JARID2: variants seen among roughly 807,000 people sequenced by gnomAD.
The protein encoded by JARID2 is protein Jumonji.
Under a neutral mutation model 125.6 loss-of-function variants are expected in JARID2, and 21 were observed. The ratio of observed to expected loss-of-function variants is 0.17; its 90% CI spans 0.12 to 0.24. JARID2 has a LOEUF of 0.24. Ranked by LOEUF, JARID2 falls within the 10% of genes least tolerant of loss-of-function variation. The pLI, the probability that JARID2 is intolerant of heterozygous loss-of-function variation, is 1.00. For missense variants in JARID2, 1,303 were observed against 1,639.6 expected, an observed-to-expected ratio of 0.79 and a Z score of 3.55; for synonymous variants, 736 against 661.6, an observed-to-expected ratio of 1.11 and a Z score of -1.73.
At chr6:15,254,412 A>T (rs77004759) in intron 1 of JARID2, among the ~76,000 whole-genome samples, 11,656 of 152,232 alleles carry the variant, frequency 0.077, 474 homozygotes, top group Admixed American at 0.12. Context: ...GGGAAATCAT[A>T]TGCCCTCAGT....
chr6:15,297,926 A>G (rs1379791947), intron 1 of JARID2, among the ~76,000 whole-genome samples: 1 of 152,214 alleles, frequency 6.6e-6, no homozygotes, highest in Non-Finnish European at 1.5e-5. Context: ...AGAAAAAAAA[A>G]AAGACTGGGA....
intron 1 of JARID2, among the ~76,000 whole-genome samples, chr6:15,275,024 C>T (rs1458776754): frequency 6.6e-6 from 1 of 152,146 alleles, no homozygotes; most frequent in Admixed American, 6.5e-5. Context: ...CTTCTGGTTT[C>T]CCATTTTGTG....
intron 3 of JARID2, among the ~76,000 whole-genome samples, chr6:15,432,562 A>C (rs184470364): frequency 1.3e-5 from 2 of 152,200 alleles, no homozygotes; most frequent in East Asian, 1.9e-4. Flanking sequence ...CTGGGGTTCA[A>C]ATACCCTCTA....
chr6:15,481,698 A>G (rs955954302), intron 5 of JARID2, among the ~76,000 whole-genome samples: 21 of 152,202 alleles, frequency 1.4e-4, no homozygotes, highest in African/African-American at 5.1e-4. Context: ...ATTTGGGTAT[A>G]TCGCTGCTCT....
intron 5 of JARID2, among the ~76,000 whole-genome samples, chr6:15,470,582 G>C (rs994797269): frequency 6.6e-6 from 1 of 152,172 alleles, no homozygotes; most frequent in Admixed American, 6.5e-5. Flanking sequence ...ATTGTGTTTA[G>C]GTGACACATC....
At chr6:15,336,702 A>C (rs2127462592) in intron 1 of JARID2, among the ~76,000 whole-genome samples, 1 of 139,714 alleles carries the variant, frequency 7.2e-6, no homozygotes, top group East Asian at 2.1e-4. Flanking sequence ...TGTACGTTTC[A>C]TGTTATTTTT....
rs982926365 is a variant in JARID2 at position 15,410,134 on chromosome 6, C to T, written c.182-90C>T. 3 of 1,200,242 alleles carry T rather than the reference C, an allele frequency of 2.5e-6. No individual in the cohort carries two copies. The Admixed American group carries it at 6.3e-5, about 25-fold the overall frequency. 74.3% of individuals were successfully genotyped at this position (1,200,242 alleles called of 1,614,324 possible). On this transcript the variant is annotated intron_variant, in intron 2 of 17. Coordinates refer to ENST00000341776, the MANE Select transcript of JARID2 (RefSeq NM_004973.4). The stretch of plus-strand genomic sequence containing the variant: ...CTCTTCTATCCACATTCTTGTCTGT[C>T]TTCATCAGCGTTGTGTAGGGTTAAC...
chr6:15,388,771 T>A (rs1279917422), intron 2 of JARID2, among the ~76,000 whole-genome samples: 1 of 152,116 alleles, frequency 6.6e-6, no homozygotes, highest in African/African-American at 2.4e-5. Flanking sequence ...ATGCCCCGCA[T>A]GCTTTCAGAC....
chr6:15,248,825 G>C (rs1274786043), intron 1 of JARID2: 1 of 807,938 alleles, frequency 1.2e-6, no homozygotes, highest in Admixed American at 6.2e-5. Context: ...GGCTCCAGGC[G>C]CGGCGGGGCG....
intron 3 of JARID2, among the ~76,000 whole-genome samples, chr6:15,426,895 G>A (rs563706027): frequency 6.6e-6 from 1 of 152,284 alleles, no homozygotes; most frequent in South Asian, 2.1e-4. Context: ...AAGTGTATGT[G>A]TTTGTTAAAG....
chr6:15,379,085 G>C lies in JARID2; in HGVS notation c.181+4833G>C, dbSNP rs142810365. Among the ~76,000 whole-genome samples, 88 of 152,268 alleles carry C rather than the reference G, an allele frequency of 5.8e-4. 1 individual carries two copies. The highest frequency in any genetic ancestry group is 3.4e-3 in the Middle Eastern group (1 of 294). The stretch of plus-strand genomic sequence containing the variant: ...TAATAACCTAAGCAGACATAAGATA[G>C]TGGAGACACGTCGTTTTTCATGTCA... On this transcript the variant is annotated intron_variant, in intron 2 of 17. Coordinates refer to ENST00000341776, the MANE Select transcript of JARID2 (RefSeq NM_004973.4).
chr6:15,418,460 G>T (rs923831960), intron 3 of JARID2, among the ~76,000 whole-genome samples: 1 of 152,102 alleles, frequency 6.6e-6, no homozygotes, highest in Non-Finnish European at 1.5e-5. Flanking sequence ...GTGATCGCCC[G>T]CCTCGTCCTC....
At chr6:15,327,391 C>G (rs978190438) in intron 1 of JARID2, among the ~76,000 whole-genome samples, 4 of 152,148 alleles carry the variant, frequency 2.6e-5, no homozygotes, top group Non-Finnish European at 4.4e-5. Flanking sequence ...TTATCAGTCT[C>G]AGGGCATAAC....
chr6:15,283,249 A>T (rs1423494247), intron 1 of JARID2, among the ~76,000 whole-genome samples: 3 of 149,976 alleles, frequency 2.0e-5, no homozygotes, highest in Admixed American at 2.0e-4. Context: ...AAGTGCTGGG[A>T]TTACAGGTGT....
At chr6:15,435,841 C>G (rs1767177313) in intron 3 of JARID2, among the ~76,000 whole-genome samples, 1 of 149,092 alleles carries the variant, frequency 6.7e-6, no homozygotes, top group Non-Finnish European at 1.5e-5. Context: ...TTTTTTTAAA[C>G]TTTGAACTTC....
At chr6:15,310,638 A>C (rs1317774113) in intron 1 of JARID2, among the ~76,000 whole-genome samples, 1 of 152,130 alleles carries the variant, frequency 6.6e-6, no homozygotes, top group African/African-American at 2.4e-5. Context: ...CCTTCTACAT[A>C]AGCATCTGCA....
chr6:15,425,749 T>C (rs1766698415), intron 3 of JARID2, among the ~76,000 whole-genome samples: 1 of 152,228 alleles, frequency 6.6e-6, no homozygotes, highest in South Asian at 2.1e-4. Flanking sequence ...GTGTTAAGCA[T>C]TCTGTAATAG....
chr6:15,366,758 G>GT (rs976625941), intron 1 of JARID2, among the ~76,000 whole-genome samples: 2 of 151,854 alleles, frequency 1.3e-5, no homozygotes, highest in African/African-American at 2.4e-5. Flanking sequence ...AAGCAGGATT[G>GT]TTTTTTTGCA....
intron 1 of JARID2, among the ~76,000 whole-genome samples, chr6:15,329,603 G>T (rs1322142719): frequency 6.6e-6 from 1 of 152,132 alleles, no homozygotes; most frequent in Non-Finnish European, 1.5e-5. Flanking sequence ...TCTTTAATAA[G>T]CGGGTTAAAC....
Sources: gnomAD v4.1 joint callset for allele counts (sites outside exome capture counted in the v4.1 genomes callset) on GRCh38, gnomAD v4.1.1 for gene constraint, MANE v1.5 for transcripts, NCBI Gene and HGNC (gene_info 2026-07-23, HGNC 2026-07-21) for gene names.